The following AASS variants were observed in gnomAD, a reference collection of about 807,000 sequenced individuals.
AASS encodes alpha-aminoadipic semialdehyde synthase, mitochondrial.
In AASS, 86 loss-of-function variants were observed where a neutral mutation model predicts 105.4. The ratio of observed to expected loss-of-function variants is 0.82; its 90% CI spans 0.69 to 0.98. The LOEUF is 0.98. AASS is among the 50% of genes least tolerant of loss of function. The pLI, the probability that AASS is intolerant of heterozygous loss-of-function variation, is 0.00. For synonymous variants in AASS, 381 were observed against 394.8 expected (o/e 0.96, Z 0.41); for missense variants, 1,048 against 1,143.2 (o/e 0.92, Z 1.20).
At chr7:122,133,849 C>T (rs906450971) in intron 1 of AASS, 108 bp from the exon 2 acceptor site, 2 of 964,498 alleles carry the variant, frequency 2.1e-6, no homozygotes, top group African/African-American at 1.6e-5. Context: ...CTTATGAAAA[C>T]AGACACAAGG....
intron 19 of AASS, among the ~76,000 whole-genome samples, chr7:122,084,519 G>A (rs1384524349): frequency 6.6e-6 from 1 of 152,060 alleles, no homozygotes; most frequent in Non-Finnish European, 1.5e-5. Flanking sequence ...GAATAAGTGA[G>A]ACACAAAAAG....
chr7:122,100,257 G>A (rs1794365318), intron 13 of AASS, among the ~76,000 whole-genome samples: 1 of 151,808 alleles, frequency 6.6e-6, no homozygotes, highest in Non-Finnish European at 1.5e-5. Flanking sequence ...ATATCATCTT[G>A]ACCAGTCATG....
At position 122,118,970 on chromosome 7, in the gene AASS, TCCCTATTGC is replaced by T. The variant is rs1289590218; in HGVS notation, c.473-349_473-341del. On this transcript the variant is annotated intron_variant, in intron 4 of 23. Coordinates refer to ENST00000417368, the MANE Select transcript of AASS (RefSeq NM_005763.4). ...ACTGAGTTACTCCCCTCACTATCCT[TCCCTATTGC>T]TTCATTCTTATCAGCATTTAAACAT... Among the ~76,000 whole-genome samples, 5 of 152,182 alleles carry T rather than the reference TCCCTATTGC, an allele frequency of 3.3e-5. No homozygotes were observed. In the East Asian group the frequency reaches 9.7e-4, roughly 29 times the overall value.
intron 8 of AASS, among the ~76,000 whole-genome samples, chr7:122,116,121 C>T (rs960151237): frequency 6.6e-6 from 1 of 152,038 alleles, no homozygotes; most frequent in Non-Finnish European, 1.5e-5. Context: ...AGATGTGTGT[C>T]GCATCGAAGG....
At chr7:122,120,609 T>C (rs887358855) in intron 4 of AASS, among the ~76,000 whole-genome samples, 1 of 151,998 alleles carries the variant, frequency 6.6e-6, no homozygotes, top group African/African-American at 2.4e-5. Flanking sequence ...TTGATTTAAT[T>C]TCTCTTTGAT....
At chr7:122,084,252 A>G (rs1428823496) in intron 19 of AASS, among the ~76,000 whole-genome samples, 1 of 152,174 alleles carries the variant, frequency 6.6e-6, no homozygotes, top group Admixed American at 6.5e-5. Flanking sequence ...TCGGTAGGAC[A>G]TTATCACTGA....
chr7:122,085,669 A>G (rs1793587870), intron 19 of AASS, among the ~76,000 whole-genome samples: 1 of 152,032 alleles, frequency 6.6e-6, no homozygotes, highest in African/African-American at 2.4e-5. Flanking sequence ...AGAGGCTGGG[A>G]GCACTGCCAC....
chr7:122,107,359 C>A lies in AASS; in HGVS notation c.1279-5679G>T, dbSNP rs111989968. ...CCTCAAAGAGCTAAAAACAGAACTA[C>A]TCTTCAACCCAGCAATCCATTACTG... On this transcript the variant is annotated intron_variant, in intron 11 of 23. Coordinates refer to ENST00000417368, the MANE Select transcript of AASS (RefSeq NM_005763.4). 3.3e-5 allele frequency among the ~76,000 whole-genome samples: 5 copies of A among 152,194 alleles called. No individual in the cohort carries two copies. The East Asian group carries it at 9.7e-4, about 29-fold the overall frequency.
intron 19 of AASS, 95 bp from the exon 20 acceptor site, chr7:122,081,690 A>G (rs1793333313): frequency 2.4e-6 from 2 of 848,512 alleles, no homozygotes; most frequent in Non-Finnish European, 3.8e-6. Context: ...CTTTGTAACT[A>G]ATTTAGAAAA....
intron 15 of AASS, among the ~76,000 whole-genome samples, chr7:122,097,257 T>C (rs1340277458): frequency 6.6e-6 from 1 of 151,950 alleles, no homozygotes; most frequent in Non-Finnish European, 1.5e-5. Context: ...AGTGACTAGG[T>C]AATCACTATG....
At position 122,118,543 on chromosome 7, in the gene AASS, G is replaced by A. The variant is rs569573462; in HGVS notation, c.540+20C>T. 15 of 1,613,958 alleles carry A rather than the reference G, an allele frequency of 9.3e-6. No individual in the cohort carries two copies. In the South Asian group the frequency reaches 1.6e-4, roughly 18 times the overall value. ...GTGAGATGTGTTTTCAAAAAAATTA[G>A]CAAAATAAACATCTCTTACCATAAA... On this transcript the variant is annotated intron_variant, in intron 5 of 23. Coordinates refer to ENST00000417368, the MANE Select transcript of AASS (RefSeq NM_005763.4).
chr7:122,091,568 G>A (rs1584825655), intron 18 of AASS, 135 bp downstream of exon 18: 2 of 1,364,078 alleles, frequency 1.5e-6, no homozygotes, highest in Admixed American at 1.9e-5. Context: ...AATATACACT[G>A]GGAAACAACA....
At position 122,074,402 on chromosome 7, in the gene AASS, T is replaced by G; in HGVS notation, c.*2087A>C. The stretch of plus-strand genomic sequence containing the variant: ...AATTCCTCCCTTAACTAATACATGA[T>G]TTTAAAAAAAATTATCTCATTCTGT... On this transcript the variant is annotated 3_prime_UTR_variant, in exon 24 of 24. Coordinates refer to ENST00000417368, the MANE Select transcript of AASS (RefSeq NM_005763.4). Among the ~76,000 whole-genome samples the G allele has an allele frequency of 6.6e-6, 1 of 152,204 alleles. No individual in the cohort carries two copies. The highest frequency in any genetic ancestry group is 1.9e-4 in the East Asian group (1 of 5,196).
At position 122,101,554 on chromosome 7, in the gene AASS, G is replaced by T. The variant is rs1584846691; in HGVS notation, c.1338+67C>A. 12 of 1,492,114 alleles carry T rather than the reference G, an allele frequency of 8.0e-6. No individual in the cohort carries two copies. The East Asian group carries it at 2.7e-4, about 34-fold the overall frequency. 92.4% of individuals were successfully genotyped at this position (1,492,114 alleles called of 1,614,324 possible). ...ACAAAGATGGAGAGAGAGAGAAACA[G>T]AGAGAAGAGAGCAAAAATGGTAGTA... On this transcript the variant is annotated intron_variant, in intron 12 of 23. Transcript: ENST00000417368.
chr7:122,074,669 G>A lies in AASS; in HGVS notation c.*1820C>T, dbSNP rs1792919672. On this transcript the variant is annotated 3_prime_UTR_variant, in exon 24 of 24. Coordinates refer to ENST00000417368, the MANE Select transcript of AASS (RefSeq NM_005763.4). ...TTTTTATATGCAATATGAGGTAGGA[G>A]TCCAATTTCATTATTTTGCATGTGG... is the stretch of plus-strand genomic sequence containing the variant. 6.6e-6 allele frequency among the ~76,000 whole-genome samples: 1 copy of A among 152,092 alleles called. No individual in the cohort carries two copies. The highest frequency in any genetic ancestry group is 6.5e-5 in the Admixed American group (1 of 15,276).
intron 11 of AASS, among the ~76,000 whole-genome samples, chr7:122,111,035 C>T (rs1157127063): frequency 6.6e-6 from 1 of 152,044 alleles, no homozygotes; most frequent in East Asian, 1.9e-4. Context: ...ATATCCACAT[C>T]ATCCAGGCCA....
intron 3 of AASS, among the ~76,000 whole-genome samples, chr7:122,128,705 G>A (rs908620975): frequency 7.9e-5 from 12 of 152,148 alleles, no homozygotes; most frequent in African/African-American, 2.7e-4. Context: ...TGAATATCTT[G>A]TGTTTTAAAC....
At chr7:122,100,042 A>C (rs936146915) in intron 13 of AASS, among the ~76,000 whole-genome samples, 5 of 151,794 alleles carry the variant, frequency 3.3e-5, no homozygotes, top group Admixed American at 6.6e-5. Flanking sequence ...CAAACCCCAG[A>C]CTCCAGGTTA....
At chr7:122,140,778 T>C (rs1326013121) in intron 1 of AASS, among the ~76,000 whole-genome samples, 1 of 151,338 alleles carries the variant, frequency 6.6e-6, no homozygotes, top group Non-Finnish European at 1.5e-5. Flanking sequence ...TGTGATTAAA[T>C]ATTGAGAGAC....
Sources: allele counts gnomAD v4.1 joint callset (sites outside exome capture counted in the v4.1 genomes callset), GRCh38; gene constraint gnomAD v4.1.1; transcripts MANE v1.5; gene names NCBI Gene and HGNC (gene_info 2026-07-23, HGNC 2026-07-21).